CEP295: variants seen among roughly 807,000 people sequenced by gnomAD.
The protein encoded by CEP295 is centrosomal protein of 295 kDa.
In CEP295, 190 loss-of-function variants were observed where a neutral mutation model predicts 291.6. That is an observed-to-expected ratio of 0.65 (90% CI 0.58 to 0.73). The LOEUF (loss-of-function observed/expected upper bound fraction) is 0.73, where lower values mean the gene tolerates loss of function less well. CEP295 is among the 30% of genes least tolerant of loss of function. CEP295 has a pLI of 0.00. For synonymous variants in CEP295, 993 were observed against 1,038.8 expected (o/e 0.96, Z 0.85); for missense variants, 2,863 against 2,949.4 (o/e 0.97, Z 0.68).
intron 25 of CEP295, 126 bp downstream of exon 25, chr11:93,728,947 C>A: frequency 1.4e-6 from 1 of 731,628 alleles, no homozygotes; most frequent in Non-Finnish European, 2.1e-6. Flanking sequence ...CCGACACCCC[C>A]ACCAGCTCTC....
At chr11:93,689,740 A>C (rs1591031039) in intron 10 of CEP295, among the ~76,000 whole-genome samples, 1 of 151,972 alleles carries the variant, frequency 6.6e-6, no homozygotes, top group African/African-American at 2.4e-5. Flanking sequence ...TGCCTACCCC[A>C]CCCATCCATA....
At chr11:93,703,767 C>CTTTT (rs748490554) in intron 17 of CEP295, among the ~76,000 whole-genome samples, 6 of 127,932 alleles carry the variant, frequency 4.7e-5, no homozygotes, top group Non-Finnish European at 6.7e-5. Context: ...CCCTGTAATT[C>CTTTT]TTTTTTTTTT....
chr11:93,685,259 G>A (rs550917353), intron 9 of CEP295, among the ~76,000 whole-genome samples: 5 of 152,084 alleles, frequency 3.3e-5, no homozygotes, highest in South Asian at 4.2e-4. Flanking sequence ...CTTTCTTATC[G>A]TCTTCACCCT....
chr11:93,716,049 C>G (rs1010646003), intron 18 of CEP295, among the ~76,000 whole-genome samples: 4 of 152,122 alleles, frequency 2.6e-5, no homozygotes, highest in Non-Finnish European at 4.4e-5. Flanking sequence ...CAGCACAGCA[C>G]TAGGACTTGC....
intron 5 of CEP295, among the ~76,000 whole-genome samples, chr11:93,673,113 G>A (rs890972117): frequency 6.6e-6 from 1 of 152,110 alleles, no homozygotes; most frequent in South Asian, 2.1e-4. Context: ...TACCATCTCT[G>A]AATTTTTGTT....
chr11:93,694,366 G>C (rs1399527288), intron 12 of CEP295, among the ~76,000 whole-genome samples: 1 of 152,124 alleles, frequency 6.6e-6, no homozygotes, highest in African/African-American at 2.4e-5. Context: ...TATACTATGG[G>C]TGAATTTATT....
Position 93,698,847 on chromosome 11 carries a change from T to C in CEP295, c.3935T>C (p.Leu1312Pro). 5.2e-6 allele frequency: 8 copies of C among 1,551,754 alleles called. No individual in the cohort carries two copies. The highest frequency in any genetic ancestry group is 7.0e-6 in the Non-Finnish European group (8 of 1,146,994). ...SLASAESGTI[L>P]EPLFTESESK... is the part of the protein sequence containing the mutation. ...GCTTCAGCTGAGTCTGGCACAATCC[T>C]GGAACCTCTTTTTACAGAGAGTGAA... Residue 1312 changes from leucine to proline, a missense_variant, in exon 15 of 30, where the codon CTG becomes CCG. By Grantham distance (98) the Leu-to-Pro change is moderately conservative (BLOSUM62 -3). Transcript: ENST00000325212.
chr11:93,705,256 G>A (rs1952440619), intron 17 of CEP295, among the ~76,000 whole-genome samples: 1 of 151,980 alleles, frequency 6.6e-6, no homozygotes, highest in African/African-American at 2.4e-5. Flanking sequence ...GGTTCTTGGG[G>A]AGGTGAAAAA....
chr11:93,693,952 G>A (rs1370954129), intron 12 of CEP295, among the ~76,000 whole-genome samples: 1 of 152,130 alleles, frequency 6.6e-6, no homozygotes, highest in African/African-American at 2.4e-5. Context: ...TTAAATTTAA[G>A]TAGTCACATA....
At chr11:93,701,580 GTTT>G (rs957886068) in intron 15 of CEP295, among the ~76,000 whole-genome samples, 1 of 151,434 alleles carries the variant, frequency 6.6e-6, no homozygotes, top group South Asian at 2.1e-4. Flanking sequence ...TGGAGGCTAA[GTTT>G]TTTTTTGTTT....
chr11:93,681,487 C>T lies in CEP295; in HGVS notation c.765+1935C>T, dbSNP rs561498456. ...CGGGAGTGCAATGGCGTGATCTTGG[C>T]TCACTGCAACCTCCACCTCCTGGGT... On this transcript the variant is annotated intron_variant, in intron 7 of 29. Coordinates refer to ENST00000325212, the MANE Select transcript of CEP295 (RefSeq NM_033395.2). 4.7e-4 allele frequency among the ~76,000 whole-genome samples: 57 copies of T among 120,498 alleles called. No homozygotes were observed. In the Admixed American group the frequency reaches 6.2e-3, roughly 13 times the overall value. 79.1% of individuals were successfully genotyped at this position (120,498 alleles called of 152,430 possible). A position where few individuals can be genotyped will look rare whatever the true frequency, so the allele number is the denominator to read the frequency against.
In CEP295 at chr11:93,681,866, T is replaced by G. The variant is rs140864340; in HGVS notation, c.766-1693T>G. 1.4e-3 allele frequency among the ~76,000 whole-genome samples: 83 copies of G among 61,386 alleles called. 1 individual carries two copies. Among genetic ancestry groups the G allele is most frequent in the African/African-American group, 2.6e-3 (79 of 30,444 alleles). 40.3% of individuals were successfully genotyped at this position (61,386 alleles called of 152,430 possible). On this transcript the variant is annotated intron_variant, in intron 7 of 29. Transcript: ENST00000325212. ...CTGGCTGTTTTTTGTTTTTGTTTTT[T>G]TTTTTTAACCTCCCCTGCCACACCT...
At position 93,728,401 on chromosome 11, in the gene CEP295, A is replaced by G. The variant is rs529935369; in HGVS notation, c.7162-280A>G. On this transcript the variant is annotated intron_variant, in intron 24 of 29. Transcript: ENST00000325212. ...ATTTATATTTTTTGCCCAACACTAC[A>G]AGCATTTAGGTTTGTAATCATTGTG... is the stretch of plus-strand genomic sequence containing the variant. The G allele has an allele frequency of 5.1e-5, 13 of 252,636 alleles. No homozygotes were observed. The South Asian group carries it at 1.1e-3, about 22-fold the overall frequency. 15.6% of individuals were successfully genotyped at this position (252,636 alleles called of 1,614,324 possible). A position where few individuals can be genotyped will look rare whatever the true frequency, so the allele number is the denominator to read the frequency against.
chr11:93,699,341 C>G lies in CEP295; in HGVS notation c.4429C>G (p.Gln1477Glu). 1 of 1,551,986 alleles carries G rather than the reference C, an allele frequency of 6.4e-7. No homozygotes were observed. Among genetic ancestry groups the G allele is most frequent in the Non-Finnish European group, 8.7e-7 (1 of 1,147,042 alleles). The change falls in exon 15 of 30, where the codon CAG (glutamine) becomes GAG (glutamate). Residue 1477 changes from glutamine to glutamate, a missense_variant. This residue lies in a region of CEP295 where 2,295 missense variants were observed against 2,335.7 expected (regional missense o/e 0.98). Transcript: ENST00000325212. ...TDFLPSIEKT[Q>E]KELVLSKPCK... ...TTTCCTTCCTTCTATTGAGAAAACC[C>G]AGAAAGAATTGGTTTTGTCAAAACC...
At chr11:93,681,618 G>A (rs1190477107) in intron 7 of CEP295, among the ~76,000 whole-genome samples, 4 of 151,542 alleles carry the variant, frequency 2.6e-5, no homozygotes, top group Non-Finnish European at 4.4e-5. Flanking sequence ...GTTTCACCAC[G>A]TTAGCCAGGA....
chr11:93,705,860 T>C (rs1952480019), intron 17 of CEP295, among the ~76,000 whole-genome samples: 1 of 152,216 alleles, frequency 6.6e-6, no homozygotes, highest in East Asian at 1.9e-4. Context: ...CCTTAGTATC[T>C]GTAGTTCCAT....
chr11:93,678,407 C>A (rs1950803746), intron 6 of CEP295, among the ~76,000 whole-genome samples: 1 of 152,044 alleles, frequency 6.6e-6, no homozygotes, highest in Non-Finnish European at 1.5e-5. Flanking sequence ...ATTTGTTTGG[C>A]CAGTGTACTC....
At chr11:93,707,704 A>G (rs1256441441) in intron 18 of CEP295, among the ~76,000 whole-genome samples, 1 of 152,066 alleles carries the variant, frequency 6.6e-6, no homozygotes, top group Non-Finnish European at 1.5e-5. Flanking sequence ...AGCCGAGATC[A>G]AGCCACTGCA....
At chr11:93,662,176 C>T (rs1950022313) in intron 1 of CEP295, among the ~76,000 whole-genome samples, 1 of 152,242 alleles carries the variant, frequency 6.6e-6, no homozygotes, top group Non-Finnish European at 1.5e-5. Context: ...AGAGCACGCT[C>T]TCTTTTGGTG....
Sources: allele counts gnomAD v4.1 joint callset (sites outside exome capture counted in the v4.1 genomes callset), GRCh38; gene constraint gnomAD v4.1.1; regional missense constraint gnomAD v4.1.1; transcripts MANE v1.5; gene names NCBI Gene and HGNC (gene_info 2026-07-23, HGNC 2026-07-21).